The following ZCWPW2 variants were observed in gnomAD, a reference collection of about 807,000 sequenced individuals.
ZCWPW2 encodes the protein zinc finger CW-type PWWP domain protein 2.
Under a neutral mutation model 46.6 loss-of-function variants are expected in ZCWPW2, and 45 were observed. The observed-to-expected ratio is 0.96, with a 90% CI of 0.76 to 1.24. The LOEUF is 1.24. Ranked by LOEUF, ZCWPW2 falls within the 50% of genes most tolerant of loss-of-function variation. The pLI, the probability that ZCWPW2 is intolerant of heterozygous loss-of-function variation, is 0.00. For synonymous variants in ZCWPW2, 152 were observed against 137.1 expected (o/e 1.11, Z -0.76); for missense variants, 429 against 403.9 (o/e 1.06, Z -0.53).
At chr3:28,523,697 A>G (rs1700781455) in intron 9 of ZCWPW2, among the ~76,000 whole-genome samples, 1 of 152,150 alleles carries the variant, frequency 6.6e-6, no homozygotes, top group Non-Finnish European at 1.5e-5. Flanking sequence ...ACATGGAAAA[A>G]AGCTTATACA....
rs1699323040 is a variant in ZCWPW2, at chr3:28,478,797, T to G, written c.493-17T>G. 2.2e-6 allele frequency: 3 copies of G among 1,391,976 alleles called. No individual in the cohort carries two copies. The highest frequency in any genetic ancestry group is 2.9e-6 in the Non-Finnish European group (3 of 1,044,486). 86.2% of individuals were successfully genotyped at this position (1,391,976 alleles called of 1,614,324 possible). A position where few individuals can be genotyped will look rare whatever the true frequency, so the allele number is the denominator to read the frequency against. On this transcript the variant is annotated splice_polypyrimidine_tract_variant and intron_variant, in intron 4 of 9. Coordinates refer to ENST00000383768, the MANE Select transcript of ZCWPW2 (RefSeq NM_001040432.4). ...TATTTAAAAATGAATTTTTTTCTTT[T>G]TTCTGTATTTATATAGCCAGAAAAG... is the stretch of plus-strand genomic sequence containing the variant.
intron 1 of ZCWPW2, among the ~76,000 whole-genome samples, chr3:28,362,372 T>G (rs1280696036): frequency 6.6e-6 from 1 of 152,050 alleles, no homozygotes; most frequent in Admixed American, 6.6e-5. Context: ...TACAAGGAAC[T>G]TAAGTGTACA....
At chr3:28,436,311 T>A (rs1697489300) in intron 4 of ZCWPW2, among the ~76,000 whole-genome samples, 1 of 115,316 alleles carries the variant, frequency 8.7e-6, no homozygotes, top group Non-Finnish European at 1.7e-5. Flanking sequence ...ATTTGAATAT[T>A]TTCTTTTTTT....
chr3:28,461,967 G>C (rs1024326677), intron 4 of ZCWPW2, among the ~76,000 whole-genome samples: 1 of 152,146 alleles, frequency 6.6e-6, no homozygotes, highest in Admixed American at 6.6e-5. Flanking sequence ...GACACCAGTG[G>C]TTGGTTGTTA....
intron 4 of ZCWPW2, among the ~76,000 whole-genome samples, chr3:28,453,078 T>C (rs1400427887): frequency 1.3e-5 from 2 of 152,220 alleles, no homozygotes; most frequent in Admixed American, 1.3e-4. Context: ...TAGAGCCTTC[T>C]TAATCTGACT....
intron 2 of ZCWPW2, among the ~76,000 whole-genome samples, chr3:28,408,119 A>G (rs1348604967): frequency 6.6e-6 from 1 of 152,228 alleles, no homozygotes. Context: ...AATGAGTATC[A>G]CTATTTAAGT....
intron 8 of ZCWPW2, 146 bp from the exon 9 acceptor site, chr3:28,520,846 G>A (rs79478289): frequency 2.8e-4 from 250 of 907,104 alleles, no homozygotes; most frequent in Non-Finnish European, 3.0e-4. Flanking sequence ...GTATCAGGAA[G>A]AAGTCATGTA....
intron 4 of ZCWPW2, among the ~76,000 whole-genome samples, chr3:28,436,323 C>CTT (rs71087698): frequency 0.21 from 24,534 of 116,790 alleles, 2,882 homozygotes; most frequent in Non-Finnish European, 0.26. Flanking sequence ...TCTTTTTTTT[C>CTT]TTTTTTTTTT....
At chr3:28,371,995 C>G (rs968015760) in intron 1 of ZCWPW2, among the ~76,000 whole-genome samples, 1 of 151,550 alleles carries the variant, frequency 6.6e-6, no homozygotes, top group Non-Finnish European at 1.5e-5. Context: ...TCCTCCTGCT[C>G]CTCCTCTTTC....
chr3:28,388,663 TAAGG>T (rs1695371633), intron 1 of ZCWPW2, among the ~76,000 whole-genome samples: 1 of 151,948 alleles, frequency 6.6e-6, no homozygotes, highest in African/African-American at 2.4e-5. Context: ...CATAATAAAA[TAAGG>T]AAGAACTACT....
intron 4 of ZCWPW2, among the ~76,000 whole-genome samples, chr3:28,467,088 A>G (rs186334603): frequency 1.3e-5 from 2 of 152,318 alleles, no homozygotes; most frequent in South Asian, 2.1e-4. Context: ...AGAAATATAT[A>G]GAAATTCCAC....
In ZCWPW2 at chr3:28,437,680, A is replaced by G. The variant is rs116001137; in HGVS notation, c.492+2411A>G. Among the ~76,000 whole-genome samples the G allele has an allele frequency of 6.9e-3, 1,052 of 152,322 alleles. 10 individuals are homozygous for G. The highest frequency in any genetic ancestry group is 0.024 in the African/African-American group (1,005 of 41,560). On this transcript the variant is annotated intron_variant, in intron 4 of 9. Transcript: ENST00000383768. ...ACTATTCATTGATACACTGAGATAC[A>G]CTCCAGAAAATAGTTGAAGGCAATA...
At chr3:28,369,226 A>G (rs1705227353) in intron 1 of ZCWPW2, among the ~76,000 whole-genome samples, 1 of 152,104 alleles carries the variant, frequency 6.6e-6, no homozygotes, top group African/African-American at 2.4e-5. Context: ...TTGGAGGAGG[A>G]GAGGCACTTG....
intron 6 of ZCWPW2, among the ~76,000 whole-genome samples, chr3:28,501,609 AT>A (rs1318115581): frequency 1.3e-5 from 2 of 152,074 alleles, no homozygotes; most frequent in African/African-American, 2.4e-5. Flanking sequence ...AGTTTGATAA[AT>A]TTTTCTTAAA....
At chr3:28,383,246 C>T (rs1345533662) in intron 1 of ZCWPW2, among the ~76,000 whole-genome samples, 1 of 151,968 alleles carries the variant, frequency 6.6e-6, no homozygotes, top group Non-Finnish European at 1.5e-5. Flanking sequence ...ATGAAAGAAC[C>T]TATGCAAATA....
At chr3:28,475,877 C>G (rs1333508627) in intron 4 of ZCWPW2, among the ~76,000 whole-genome samples, 3 of 152,032 alleles carry the variant, frequency 2.0e-5, no homozygotes, top group South Asian at 2.1e-4. Flanking sequence ...CTTTGCCTTA[C>G]ATTTTATTAC....
At chr3:28,371,552 A>G (rs1346217692) in intron 1 of ZCWPW2, among the ~76,000 whole-genome samples, 5 of 152,164 alleles carry the variant, frequency 3.3e-5, no homozygotes, top group Non-Finnish European at 1.5e-5. Flanking sequence ...CCAGCTACTC[A>G]GAAGTCTAAG....
At chr3:28,362,881 A>G (rs909386158) in intron 1 of ZCWPW2, among the ~76,000 whole-genome samples, 1 of 152,324 alleles carries the variant, frequency 6.6e-6, no homozygotes, top group Non-Finnish European at 1.5e-5. Context: ...CTTTGCAGTC[A>G]TAAAAAAGAA....
rs536094911 is a variant in ZCWPW2, at chr3:28,461,243, G to A, written c.493-17571G>A. On this transcript the variant is annotated intron_variant, in intron 4 of 9. Coordinates refer to ENST00000383768, the MANE Select transcript of ZCWPW2 (RefSeq NM_001040432.4). ...ATTATAGATGTTGTCATTGTACCTAGAGTGTTGTTATGAGGTTCTCCCACC... is the reference window on the plus strand; with the variant it reads ...ATTATAGATGTTGTCATTGTACCTAAAGTGTTGTTATGAGGTTCTCCCACC... 4.6e-5 allele frequency among the ~76,000 whole-genome samples: 7 copies of A among 152,182 alleles called. No homozygotes were observed. In the East Asian group the frequency reaches 1.3e-3, roughly 29 times the overall value.
Sources: allele counts gnomAD v4.1 joint callset (sites outside exome capture counted in the v4.1 genomes callset), GRCh38; gene constraint gnomAD v4.1.1; transcripts MANE v1.5; gene names NCBI Gene and HGNC (gene_info 2026-07-23, HGNC 2026-07-21).